CCDC158: variants seen among roughly 807,000 people sequenced by gnomAD.
The protein encoded by CCDC158 is coiled-coil domain-containing protein 158.
In CCDC158, 116 loss-of-function variants were observed where a neutral mutation model predicts 138.6. The observed-to-expected ratio is 0.84, with a 90% CI of 0.72 to 0.98. The LOEUF (loss-of-function observed/expected upper bound fraction) is 0.98, where lower values mean the gene tolerates loss of function less well. Among genes scored for constraint, CCDC158 ranks in the 50% least tolerant of loss-of-function variants. CCDC158 has a pLI of 0.00. For missense variants in CCDC158, 1,265 were observed against 1,306.1 expected (o/e 0.97, Z 0.48); for synonymous variants, 436 against 442.4 (o/e 0.99, Z 0.18).
chr4:76,414,643 G>C (rs1043498528), intron 1 of CCDC158, among the ~76,000 whole-genome samples: 10 of 152,234 alleles, frequency 6.6e-5, no homozygotes, highest in Admixed American at 6.5e-4. Flanking sequence ...ATTGAATCAT[G>C]GAGGCCGGTC....
chr4:76,350,249 C>T (rs1722925961), intron 18 of CCDC158, among the ~76,000 whole-genome samples: 1 of 152,132 alleles, frequency 6.6e-6, no homozygotes, highest in Non-Finnish European at 1.5e-5. Flanking sequence ...TGTTTCAGCG[C>T]ACACATCTTA....
At chr4:76,380,057 CT>C (rs1299409000) in intron 8 of CCDC158, among the ~76,000 whole-genome samples, 1 of 152,152 alleles carries the variant, frequency 6.6e-6, no homozygotes, top group Non-Finnish European at 1.5e-5. Context: ...TGTGAGTCAA[CT>C]AAACTTCTTT....
chr4:76,337,210 C>T (rs1351217618), intron 18 of CCDC158, among the ~76,000 whole-genome samples: 2 of 151,956 alleles, frequency 1.3e-5, no homozygotes, highest in East Asian at 3.9e-4. Context: ...GGCTGGTGTC[C>T]AATTCCTTGG....
At chr4:76,400,105 G>A (rs893120095) in intron 3 of CCDC158, among the ~76,000 whole-genome samples, 5 of 151,702 alleles carry the variant, frequency 3.3e-5, no homozygotes, top group Admixed American at 2.0e-4. Context: ...TGTGATTTTC[G>A]TATGTTTATT....
rs368898331 is a variant in CCDC158, at chr4:76,367,289, C to A, written c.1830+5G>T. 12 of 1,604,306 alleles carry A rather than the reference C, an allele frequency of 7.5e-6. No individual in the cohort carries two copies. Among genetic ancestry groups the A allele is most frequent in the African/African-American group, 1.3e-5 (1 of 74,428 alleles). On this transcript the variant is annotated splice_donor_5th_base_variant and intron_variant, in intron 12 of 24. Coordinates refer to ENST00000682701, the MANE Select transcript of CCDC158 (RefSeq NM_001394954.1). ...GAAGTTAAATCACAAAAAAACTCTA[C>A]AGACCTTAAGTTCCTTTAGTTCCAT...
intron 4 of CCDC158, among the ~76,000 whole-genome samples, chr4:76,394,529 CA>C (rs200589455): frequency 2.7e-5 from 4 of 150,698 alleles, no homozygotes; most frequent in African/African-American, 4.9e-5. Flanking sequence ...TTAATGGGTA[CA>C]AAAAAAATAC....
At chr4:76,376,391 T>C (rs1725724009) in intron 9 of CCDC158, among the ~76,000 whole-genome samples, 1 of 152,160 alleles carries the variant, frequency 6.6e-6, no homozygotes, top group East Asian at 1.9e-4. Flanking sequence ...TCACAGCTTT[T>C]ATGTATTATG....
intron 14 of CCDC158, among the ~76,000 whole-genome samples, chr4:76,356,383 T>A (rs201405752): frequency 2.0e-5 from 3 of 146,382 alleles, no homozygotes; most frequent in Non-Finnish European, 3.0e-5. Flanking sequence ...TTTTTTTTTT[T>A]ATTTTAAGCT....
chr4:76,383,652 A>G lies in CCDC158; in HGVS notation c.803+10T>C. On this transcript the variant is annotated intron_variant, in intron 7 of 24. Coordinates refer to ENST00000682701, the MANE Select transcript of CCDC158 (RefSeq NM_001394954.1). ...CGCTAGGCTTTTCCATACCTCAGTC[A>G]GAAACCTACCTATCTTGGTGTTGTT... 6.2e-7 allele frequency: 1 copy of G among 1,605,106 alleles called. No homozygotes were observed. Among genetic ancestry groups the G allele is most frequent in the East Asian group, 2.2e-5 (1 of 44,814 alleles).
intron 13 of CCDC158, 118 bp from the exon 14 acceptor site, chr4:76,357,644 A>G: frequency 1.6e-6 from 1 of 630,926 alleles, no homozygotes; most frequent in Non-Finnish European, 2.5e-6. Context: ...GAAGTCATTT[A>G]ATTACATCTT....
At chr4:76,414,310 GGT>G (rs1729523625) in intron 1 of CCDC158, 1 of 151,936 alleles carries the variant, frequency 6.6e-6, no homozygotes, top group Non-Finnish European at 1.5e-5. Flanking sequence ...TTCTTTCTTG[GGT>G]GTTTCAAGTA....
chr4:76,418,022 A>T (rs999330148), intron 1 of CCDC158, among the ~76,000 whole-genome samples: 19 of 152,174 alleles, frequency 1.2e-4, no homozygotes, highest in African/African-American at 4.6e-4. Context: ...GATGTCAGTG[A>T]GGTTGGCGGA....
At chr4:76,388,987 G>A (rs1348094584) in intron 4 of CCDC158, among the ~76,000 whole-genome samples, 1 of 152,048 alleles carries the variant, frequency 6.6e-6, no homozygotes, top group Admixed American at 6.6e-5. Context: ...TTCCCGAGAA[G>A]AACAGGCACA....
chr4:76,350,965 T>G, intron 18 of CCDC158, 31 bp downstream of exon 18: 1 of 1,601,840 alleles, frequency 6.2e-7, no homozygotes, highest in East Asian at 2.2e-5. Context: ...ATATGTCATT[T>G]GCGTAATGGA....
chr4:76,344,625 G>C lies in CCDC158; in HGVS notation c.2664+6371C>G, dbSNP rs1029377137. 19 of 1,523,696 alleles carry C rather than the reference G, an allele frequency of 1.2e-5. No individual in the cohort carries two copies. The African/African-American group carries it at 2.5e-4, about 20-fold the overall frequency. The allele number at this position is 1,523,696 out of a possible 1,614,324, so 94.4% of individuals were successfully genotyped here. On this transcript the variant is annotated intron_variant, in intron 18 of 24. Coordinates refer to ENST00000682701, the MANE Select transcript of CCDC158 (RefSeq NM_001394954.1). ...CATACCTGATGTGCTCAGTGAGAGA[G>C]ATAAAGTCAAATTTACAGTGCACAC...
chr4:76,398,389 G>A (rs367826369), intron 3 of CCDC158, among the ~76,000 whole-genome samples: 3 of 152,054 alleles, frequency 2.0e-5, no homozygotes, highest in Admixed American at 6.5e-5. Context: ...TCACTTGGCC[G>A]GGCGTGGTGG....
intron 8 of CCDC158, among the ~76,000 whole-genome samples, chr4:76,380,350 T>C (rs1365700053): frequency 6.6e-6 from 1 of 152,126 alleles, no homozygotes; most frequent in Non-Finnish European, 1.5e-5. Flanking sequence ...TGGTCTCAGA[T>C]GGAGATGAGG....
chr4:76,391,342 A>G (rs1727292156), intron 4 of CCDC158, among the ~76,000 whole-genome samples: 1 of 152,058 alleles, frequency 6.6e-6, no homozygotes, highest in African/African-American at 2.4e-5. Flanking sequence ...TCTGACAACA[A>G]TGGAATAAAA....
intron 8 of CCDC158, among the ~76,000 whole-genome samples, chr4:76,381,624 A>G (rs113396881): frequency 0.029 from 4,486 of 152,276 alleles, 221 homozygotes; most frequent in African/African-American, 0.1. Context: ...CTTTGGACTG[A>G]ATTTCTGAGT....
Sources: gnomAD v4.1 joint callset for allele counts (sites outside exome capture counted in the v4.1 genomes callset) on GRCh38, gnomAD v4.1.1 for gene constraint, MANE v1.5 for transcripts, NCBI Gene and HGNC (gene_info 2026-07-23, HGNC 2026-07-21) for gene names.